Variants in ZSCAN25 observed in about 807,000 individuals in gnomAD.
The protein encoded by ZSCAN25 is zinc finger and SCAN domain-containing protein 25.
A neutral mutation model predicts 38.7 loss-of-function variants in ZSCAN25; 27 were observed. That is an observed-to-expected ratio of 0.70 (90% CI 0.51 to 0.96). The LOEUF is 0.96. ZSCAN25 is among the 40% of genes least tolerant of loss of function. ZSCAN25 has a pLI of 0.00. For synonymous variants in ZSCAN25, 273 were observed against 277.7 expected, an observed-to-expected ratio of 0.98 and a Z score of 0.17; for missense variants, 637 against 705.9, an observed-to-expected ratio of 0.90 and a Z score of 1.11.
At chr7:99,686,442 G>A in the ZSCAN25 span, among the ~76,000 whole-genome samples, 2 of 152,194 alleles carry the variant, frequency 1.3e-5, no homozygotes, top group Admixed American at 6.5e-5. Flanking sequence ...CTGCAAGGCG[G>A]CAGTGAGGCT....
At chr7:99,720,476 C>G in the ZSCAN25 span, 1 of 1,580,146 alleles carries the variant, frequency 6.3e-7, no homozygotes, top group South Asian at 1.1e-5. Context: ...GAGCCAAACC[C>G]AGGAAGCCAG....
chr7:99,695,603 C>T, the ZSCAN25 span: 17 of 706,952 alleles, frequency 2.4e-5, no homozygotes, highest in African/African-American at 2.0e-4. Flanking sequence ...GTAAACCTTG[C>T]CATGCTCTGG....
the ZSCAN25 span, among the ~76,000 whole-genome samples, chr7:99,708,349 T>A: frequency 1.3e-5 from 2 of 152,204 alleles, no homozygotes; most frequent in Non-Finnish European, 2.9e-5. Flanking sequence ...ATGTTGGTCA[T>A]GAGGAAGGAG....
At chr7:99,720,556 G>C in the ZSCAN25 span, 2 of 885,392 alleles carry the variant, frequency 2.3e-6, no homozygotes, top group Non-Finnish European at 3.5e-6. Context: ...TAGTTCATTA[G>C]GTATAACTCA....
At chr7:99,727,835 A>G in the ZSCAN25 span, among the ~76,000 whole-genome samples, 1 of 152,182 alleles carries the variant, frequency 6.6e-6, no homozygotes, top group Non-Finnish European at 1.5e-5. Context: ...CATATCCTGC[A>G]CCACCATGCT....
chr7:99,717,485 A>G, the ZSCAN25 span: 6 of 1,610,708 alleles, frequency 3.7e-6, no homozygotes, highest in Non-Finnish European at 4.2e-6. Flanking sequence ...CACCTGATTC[A>G]TTCTTTAAGT....
chr7:99,649,299 G>T, the ZSCAN25 span, among the ~76,000 whole-genome samples: 2 of 152,118 alleles, frequency 1.3e-5, no homozygotes, highest in African/African-American at 4.8e-5. Context: ...CCTCTCCCAA[G>T]CACAAAGTGT....
At position 99,632,180 on chromosome 7, in the gene ZSCAN25, G is replaced by C; in HGVS notation, c.*2160G>C. 1 of 985,406 alleles carries C rather than the reference G, an allele frequency of 1.0e-6. No individual in the cohort carries two copies. The highest frequency in any genetic ancestry group is 1.2e-6 in the Non-Finnish European group (1 of 829,938). 61.0% of individuals were successfully genotyped at this position (985,406 alleles called of 1,614,324 possible). On this transcript the variant is annotated 3_prime_UTR_variant, in exon 8 of 8. Coordinates refer to ENST00000394152, the MANE Select transcript of ZSCAN25 (RefSeq NM_145115.3). ...TCTGGCCTCTTCCCTATCTCCTGTG[G>C]GGCCAAGAGCTTAGGACAGTGTCTC...
At chr7:99,696,769 A>G in the ZSCAN25 span, among the ~76,000 whole-genome samples, 87 of 152,304 alleles carry the variant, frequency 5.7e-4, no homozygotes, top group Middle Eastern at 3.4e-3. Context: ...GTAATCCCCA[A>G]TGCTGGTGGT....
the ZSCAN25 span, chr7:99,708,046 T>C: frequency 6.2e-7 from 1 of 1,608,082 alleles, no homozygotes; most frequent in African/African-American, 1.3e-5. Context: ...TTAGGGTTTC[T>C]TACTTAGGGC....
At chr7:99,687,311 A>G in the ZSCAN25 span, among the ~76,000 whole-genome samples, 19 of 152,200 alleles carry the variant, frequency 1.2e-4, no homozygotes, top group African/African-American at 3.9e-4. Context: ...AATAACCAAT[A>G]CAGAGAAGTC....
chr7:99,717,206 T>G, the ZSCAN25 span: 1 of 1,613,950 alleles, frequency 6.2e-7, no homozygotes, highest in Non-Finnish European at 8.5e-7. Context: ...TGCCTGTCTC[T>G]GCTTCCCGCC....
At chr7:99,685,620 C>T in the ZSCAN25 span, among the ~76,000 whole-genome samples, 1 of 152,266 alleles carries the variant, frequency 6.6e-6, no homozygotes, top group East Asian at 1.9e-4. Flanking sequence ...CATGGGAATC[C>T]CCTCTTCACA....
At chr7:99,723,135 G>A in the ZSCAN25 span, among the ~76,000 whole-genome samples, 28 of 152,230 alleles carry the variant, frequency 1.8e-4, no homozygotes, top group Admixed American at 1.0e-3. Context: ...GATTTGACAT[G>A]GGAAAGTGGT....
At chr7:99,730,193 C>T in the ZSCAN25 span, among the ~76,000 whole-genome samples, 1 of 152,180 alleles carries the variant, frequency 6.6e-6, no homozygotes, top group South Asian at 2.1e-4. Flanking sequence ...AGTCCCCAGT[C>T]CATGAGGCAC....
chr7:99,716,052 C>CCTTCTGAGGGAGTGTGATGGG, the ZSCAN25 span: 1 of 1,513,258 alleles, frequency 6.6e-7, no homozygotes, highest in Non-Finnish European at 9.0e-7. Context: ...TCTCCCATCA[C>CCTTCTGAGGGAGTGTGATGGG]ACTCCCTCAG....
At chr7:99,651,768 T>A in the ZSCAN25 span, among the ~76,000 whole-genome samples, 3 of 152,230 alleles carry the variant, frequency 2.0e-5, no homozygotes, top group Non-Finnish European at 4.4e-5. Context: ...GAACTGTGCC[T>A]AAGGCCTGAC....
rs1475077177 is a variant in ZSCAN25, at chr7:99,631,071, A to C, written c.*1051A>C. The C allele has an allele frequency of 1.1e-5, 11 of 984,074 alleles. No homozygotes were observed. Among genetic ancestry groups the C allele is most frequent in the Non-Finnish European group, 1.3e-5 (11 of 828,850 alleles). 61.0% of individuals were successfully genotyped at this position (984,074 alleles called of 1,614,324 possible). On this transcript the variant is annotated 3_prime_UTR_variant, in exon 8 of 8. Coordinates refer to ENST00000394152, the MANE Select transcript of ZSCAN25 (RefSeq NM_145115.3). ...ACACATCCATGAATAAAATAGGGGG[A>C]GAAGCTGTTGACCTCGTAGAGCTTA...
Position 99,621,476 on chromosome 7 carries a change from G to A in ZSCAN25, c.491G>A (p.Gly164Glu), listed in dbSNP as rs752921358. 3 of 1,577,258 alleles carry A rather than the reference G, an allele frequency of 1.9e-6. No individual in the cohort carries two copies. Among genetic ancestry groups the A allele is most frequent in the South Asian group, 2.3e-5 (2 of 86,532 alleles). ...CCAGTGGAGGTCAAGCCTGAATGGG[G>A]GATGCCCCCTGGGGAAGGAGTTCAA... Reference protein sequence around the residue: ...LGPVEVKPEWGMPPGEGVQGP... With the variant: ...LGPVEVKPEWEMPPGEGVQGP... The change falls in exon 5 of 8, where the codon GGG becomes GAG. Residue 164 changes from glycine (G) to glutamate (E), a missense_variant. Gly to Glu is a moderately conservative substitution (Grantham distance 98). Transcript: ENST00000394152.
Sources: gnomAD v4.1 joint callset for allele counts (sites outside exome capture counted in the v4.1 genomes callset) on GRCh38, gnomAD v4.1.1 for gene constraint, MANE v1.5 for transcripts, NCBI Gene and HGNC (gene_info 2026-07-23, HGNC 2026-07-21) for gene names.